EIF4B: variants seen among roughly 807,000 people sequenced by gnomAD.
EIF4B encodes the protein eukaryotic translation initiation factor 4B.
In EIF4B, 8 loss-of-function variants were observed where a neutral mutation model predicts 79.3. The ratio of observed to expected loss-of-function variants is 0.10; its 90% CI spans 0.06 to 0.18. EIF4B has a LOEUF of 0.18. EIF4B is among the 10% of genes least tolerant of loss of function. EIF4B has a pLI of 1.00. For missense variants in EIF4B, 515 were observed against 792.4 expected (o/e 0.65, Z 4.20); for synonymous variants, 238 against 274.7 (o/e 0.87, Z 1.32).
At chr12:53,009,642 G>A (rs899240893) in intron 1 of EIF4B, among the ~76,000 whole-genome samples, 2 of 152,190 alleles carry the variant, frequency 1.3e-5, no homozygotes, top group East Asian at 3.8e-4. Context: ...CTCTGCAGTG[G>A]TTGTTTTCAT....
At chr12:53,035,534 A>G (rs1025476972) in intron 10 of EIF4B, among the ~76,000 whole-genome samples, 5 of 151,512 alleles carry the variant, frequency 3.3e-5, no homozygotes, top group Non-Finnish European at 7.4e-5. Context: ...ACACCCAGCT[A>G]ATTTTTTGTA....
chr12:53,017,187 A>G (rs1943162271), intron 2 of EIF4B, among the ~76,000 whole-genome samples: 1 of 151,672 alleles, frequency 6.6e-6, no homozygotes, highest in Non-Finnish European at 1.5e-5. Flanking sequence ...TGGGAGGCGG[A>G]GGGTGCAGTG....
At position 53,030,413 on chromosome 12, in the gene EIF4B, C is replaced by CTTTTTTTTT. The variant is rs759061266; in HGVS notation, c.979+2242_979+2250dup. Among the ~76,000 whole-genome samples, 34 of 43,092 alleles carry CTTTTTTTTT rather than the reference C, an allele frequency of 7.9e-4. 10 individuals carry two copies. Among genetic ancestry groups the CTTTTTTTTT allele is most frequent in the East Asian group, 1.9e-3 (2 of 1,042 alleles). 28.3% of individuals were successfully genotyped at this position (43,092 alleles called of 152,430 possible). On this transcript the variant is annotated intron_variant, in intron 8 of 14. Transcript: ENST00000262056. ...GAAATAGGTTTTAAAAAATTATATT[C>CTTTTTTTTT]TTTTTTTTTTTTTTTTTTTTTTTTT...
chr12:53,034,886 A>C (rs570456739), intron 10 of EIF4B, among the ~76,000 whole-genome samples, 177 bp downstream of exon 10: 25 of 151,416 alleles, frequency 1.7e-4, no homozygotes, highest in African/African-American at 4.4e-4. Context: ...TGGGTACCAG[A>C]GTAGACCTAG....
At chr12:53,039,423 C>T in intron 13 of EIF4B, 80 bp downstream of exon 13, 1 of 1,297,104 alleles carries the variant, frequency 7.7e-7, no homozygotes, top group East Asian at 2.5e-5. Context: ...GTTCTCAGAG[C>T]ACTGCCAGAT....
At chr12:53,008,294 A>G (rs1270550894) in intron 1 of EIF4B, among the ~76,000 whole-genome samples, 1 of 152,218 alleles carries the variant, frequency 6.6e-6, no homozygotes, top group Non-Finnish European at 1.5e-5. Flanking sequence ...CTGACGTCCC[A>G]TTCTCTTGTT....
intron 7 of EIF4B, 34 bp from the exon 8 acceptor site, chr12:53,027,981 G>A (rs752359864): frequency 2.1e-5 from 33 of 1,607,602 alleles, no homozygotes; most frequent in Middle Eastern, 1.7e-4. Flanking sequence ...TTCCCCCTCC[G>A]CTGTGATGAT....
intron 1 of EIF4B, among the ~76,000 whole-genome samples, chr12:53,014,301 A>T (rs1310701644): frequency 6.6e-6 from 1 of 151,666 alleles, no homozygotes; most frequent in African/African-American, 2.4e-5. Context: ...AGTCCCAGCC[A>T]CTTGGGAGGC....
chr12:53,012,892 C>T (rs112919378), intron 1 of EIF4B, among the ~76,000 whole-genome samples: 2,608 of 152,270 alleles, frequency 0.017, 37 homozygotes, highest in Non-Finnish European at 0.028. Context: ...AGGCGTGAGC[C>T]ACCACACCCA....
chr12:53,015,701 G>C (rs560127320), intron 1 of EIF4B, among the ~76,000 whole-genome samples: 1 of 151,182 alleles, frequency 6.6e-6, no homozygotes, highest in South Asian at 2.1e-4. Context: ...AATGGGGCCG[G>C]GTGTGGCGGT....
intron 3 of EIF4B, among the ~76,000 whole-genome samples, chr12:53,019,450 CTTTTT>C (rs71095966): frequency 1.5e-4 from 10 of 66,002 alleles, no homozygotes; most frequent in Non-Finnish European, 3.1e-4. Flanking sequence ...TTTTTTTTTT[CTTTTT>C]TTTTTTTTTT....
chr12:53,012,100 C>G (rs974646258), intron 1 of EIF4B: 2 of 152,158 alleles, frequency 1.3e-5, no homozygotes, highest in Non-Finnish European at 2.9e-5. Flanking sequence ...TGGAATGAAA[C>G]GGAGTGGAAC....
chr12:53,028,491 C>T (rs1565589971), intron 8 of EIF4B, among the ~76,000 whole-genome samples: 1 of 150,260 alleles, frequency 6.7e-6, no homozygotes, highest in Non-Finnish European at 1.5e-5. Flanking sequence ...GGAGGCAGAG[C>T]TTGCAGTGAG....
At chr12:53,034,781 G>A in intron 10 of EIF4B, 72 bp downstream of exon 10, 15 of 1,527,770 alleles carry the variant, frequency 9.8e-6, no homozygotes, top group Non-Finnish European at 1.4e-5. Context: ...ATTATGCAGA[G>A]ACCCTGCAAT....
rs1439322807 is a variant in EIF4B, at chr12:53,041,727, G to A, written c.*1504G>A. ...GATTAGGCCCTGTTCAGCCATGCAG[G>A]GGTGTTGGTTTATGCGTGCTGCAGC... On this transcript the variant is annotated 3_prime_UTR_variant, in exon 15 of 15. Coordinates refer to ENST00000262056, the MANE Select transcript of EIF4B (RefSeq NM_001417.7). The A allele has an allele frequency of 6.6e-6, 1 of 152,116 alleles. No homozygotes were observed. Among genetic ancestry groups the A allele is most frequent in the African/African-American group, 2.4e-5 (1 of 41,420 alleles). 9.4% of individuals were successfully genotyped at this position (152,116 alleles called of 1,614,324 possible). A position where few individuals can be genotyped will look rare whatever the true frequency, so the allele number is the denominator to read the frequency against.
chr12:53,007,420 CTTTTTTT>C (rs56017954), intron 1 of EIF4B, among the ~76,000 whole-genome samples: 6 of 92,238 alleles, frequency 6.5e-5, no homozygotes, highest in Non-Finnish European at 1.1e-4. Flanking sequence ...AGATTTCAGC[CTTTTTTT>C]TTTTTTTTTT....
intron 2 of EIF4B, 159 bp from the exon 3 acceptor site, chr12:53,018,639 C>T: frequency 1.6e-6 from 1 of 640,444 alleles, no homozygotes; most frequent in Non-Finnish European, 2.7e-6. Flanking sequence ...TCAGAAGCTT[C>T]TCTTCGTAAA....
intron 5 of EIF4B, 139 bp downstream of exon 5, chr12:53,021,999 CAG>C: frequency 2.0e-6 from 2 of 980,052 alleles, no homozygotes; most frequent in Non-Finnish European, 3.1e-6. Flanking sequence ...TTTTGCCCCA[CAG>C]GGGACTTCTG....
At chr12:53,020,303 T>C (rs1489933990) in intron 4 of EIF4B, among the ~76,000 whole-genome samples, 1 of 152,258 alleles carries the variant, frequency 6.6e-6, no homozygotes, top group African/African-American at 2.4e-5. Context: ...AGTCTTACAC[T>C]GATTTACCCA....
Sources: allele counts gnomAD v4.1 joint callset (sites outside exome capture counted in the v4.1 genomes callset), GRCh38; gene constraint gnomAD v4.1.1; transcripts MANE v1.5; gene names NCBI Gene and HGNC (gene_info 2026-07-23, HGNC 2026-07-21).